ZDHHC2: variants seen among roughly 807,000 people sequenced by gnomAD.
ZDHHC2 encodes the protein zDHHC palmitoyltransferase 2.
Under a neutral mutation model 55.6 loss-of-function variants are expected in ZDHHC2, and 51 were observed. That is an observed-to-expected ratio of 0.92 (90% CI 0.73 to 1.16). The LOEUF is 1.16. Ranked by LOEUF, ZDHHC2 falls within the 50% of genes most tolerant of loss-of-function variation. The pLI, the probability that ZDHHC2 is intolerant of heterozygous loss-of-function variation, is 0.00. For synonymous variants in ZDHHC2, 199 were observed against 152.9 expected (o/e 1.30, Z -2.22); for missense variants, 491 against 442.4 (o/e 1.11, Z -0.99).
intron 12 of ZDHHC2, among the ~76,000 whole-genome samples, chr8:17,219,640 C>CCTG (rs1807821825): frequency 6.6e-6 from 1 of 152,040 alleles, no homozygotes; most frequent in Non-Finnish European, 1.5e-5. Context: ...GTGGCATGTG[C>CCTG]CTGTGGTCCC....
chr8:17,199,586 T>G (rs1264315509), intron 6 of ZDHHC2, among the ~76,000 whole-genome samples: 944 of 60,030 alleles, frequency 0.016, 78 homozygotes, highest in Non-Finnish European at 0.046. Flanking sequence ...CTTCTTCTTC[T>G]TCTTTCTTCT....
chr8:17,218,032 A>G (rs769542607), intron 12 of ZDHHC2, among the ~76,000 whole-genome samples: 6 of 152,212 alleles, frequency 3.9e-5, no homozygotes, highest in African/African-American at 7.2e-5. Flanking sequence ...ATTTGCATCA[A>G]AGTTCATGGA....
chr8:17,158,626 A>G (rs1804183072), intron 1 of ZDHHC2, among the ~76,000 whole-genome samples: 1 of 152,264 alleles, frequency 6.6e-6, no homozygotes, highest in South Asian at 2.1e-4. Flanking sequence ...GTATGTTTAT[A>G]TGTACTTTCT....
intron 1 of ZDHHC2, among the ~76,000 whole-genome samples, chr8:17,174,176 C>T (rs149032633): frequency 4.7e-4 from 71 of 151,768 alleles, no homozygotes; most frequent in Non-Finnish European, 8.7e-4. Flanking sequence ...GCTGCCTCGA[C>T]CACCCAGATT....
chr8:17,217,025 C>CTA (rs1337579958), intron 11 of ZDHHC2, 147 bp from the exon 12 acceptor site: 2 of 673,230 alleles, frequency 3.0e-6, no homozygotes, highest in Non-Finnish European at 5.1e-6. Flanking sequence ...GTGTGTGTTT[C>CTA]TATATCACCA....
At chr8:17,211,606 C>G (rs770144537) in intron 10 of ZDHHC2, among the ~76,000 whole-genome samples, 5 of 152,126 alleles carry the variant, frequency 3.3e-5, no homozygotes, top group Non-Finnish European at 7.3e-5. Flanking sequence ...CCTCCTGCCT[C>G]TGCCCTTTTA....
chr8:17,199,491 T>TTCGTCTTCGTCTTCGTCTTCG lies in ZDHHC2; in HGVS notation c.476+1080_476+1081insGTCTTCGTCTTCGTCTTCGTC, dbSNP rs1255581276. Among the ~76,000 whole-genome samples the TTCGTCTTCGTCTTCGTCTTCG allele has an allele frequency of 1.2e-3, 43 of 37,338 alleles. 1 individual carries two copies. The highest frequency in any genetic ancestry group is 5.4e-3 in the Admixed American group (20 of 3,690). 24.5% of individuals were successfully genotyped at this position (37,338 alleles called of 152,430 possible). A position where few individuals can be genotyped will look rare whatever the true frequency, so the allele number is the denominator to read the frequency against. ...CTTCTTCTTCTTCTTCTTCTTCTTC[T>TTCGTCTTCGTCTTCGTCTTCG]TCTTCTTCTTCTTCTTCTTCTTCGT... On this transcript the variant is annotated intron_variant, in intron 6 of 12. Coordinates refer to ENST00000262096, the MANE Select transcript of ZDHHC2 (RefSeq NM_016353.5).
In ZDHHC2 at chr8:17,220,811, C is replaced by T. The variant is rs994370952; in HGVS notation, c.*590C>T. 6.6e-6 allele frequency: 1 copy of T among 152,128 alleles called. No homozygotes were observed. The highest frequency in any genetic ancestry group is 6.6e-5 in the Admixed American group (1 of 15,252). 9.4% of individuals were successfully genotyped at this position (152,128 alleles called of 1,614,324 possible). On this transcript the variant is annotated 3_prime_UTR_variant, in exon 13 of 13. Transcript: ENST00000262096. Reference sequence around the variant, plus strand: ...GTGGCCTGCAGTTGAAGATCATCAACCATTTTTGCCTCACTTAATTCCAGC... The same window carrying T: ...GTGGCCTGCAGTTGAAGATCATCAATCATTTTTGCCTCACTTAATTCCAGC...
chr8:17,164,622 T>G (rs1406331675), intron 1 of ZDHHC2, among the ~76,000 whole-genome samples: 1 of 152,158 alleles, frequency 6.6e-6, no homozygotes, highest in Non-Finnish European at 1.5e-5. Flanking sequence ...TTTTCTCTAA[T>G]TCTTTTGAAA....
chr8:17,199,509 T>TTCTTCGTCTTCGTCTTCGTCTTCG (rs1554466017), intron 6 of ZDHHC2, among the ~76,000 whole-genome samples: 18 of 121,202 alleles, frequency 1.5e-4, no homozygotes, highest in South Asian at 8.5e-4. Context: ...CTTCTTCTTC[T>TTCTTCGTCTTCGTCTTCGTCTTCG]TCTTCGTCTT....
Position 17,160,026 on chromosome 8 carries a change from A to G in ZDHHC2, c.130+3173A>G, listed in dbSNP as rs551520210. ...TGTACGGGGAACTTTAGGATGCACT[A>G]TGAGAGGGAATGAGGGAGGTCTGCA... On this transcript the variant is annotated intron_variant, in intron 1 of 12. Transcript: ENST00000262096. Among the ~76,000 whole-genome samples the G allele has an allele frequency of 5.3e-5, 8 of 152,292 alleles. No homozygotes were observed. The South Asian group carries it at 6.2e-4, about 12-fold the overall frequency.
chr8:17,185,458 A>G (rs897717423), intron 2 of ZDHHC2, among the ~76,000 whole-genome samples: 3 of 152,010 alleles, frequency 2.0e-5, no homozygotes, highest in African/African-American at 7.2e-5. Context: ...GAAGTTCAAG[A>G]CCAGCCTGGC....
chr8:17,190,951 CTTTTTTTTTTTT>C (rs10601402), intron 3 of ZDHHC2, among the ~76,000 whole-genome samples: 7 of 52,760 alleles, frequency 1.3e-4, no homozygotes, highest in Admixed American at 2.8e-4. Context: ...CTTATTCATT[CTTTTTTTTTTTT>C]TTTTTTTTTT....
At chr8:17,168,858 T>G (rs923745850) in intron 1 of ZDHHC2, among the ~76,000 whole-genome samples, 2 of 152,194 alleles carry the variant, frequency 1.3e-5, no homozygotes, top group South Asian at 4.1e-4. Flanking sequence ...TTGTAGTATG[T>G]GTCAGAATTT....
At chr8:17,169,135 G>A (rs1483178813) in intron 1 of ZDHHC2, among the ~76,000 whole-genome samples, 1 of 152,098 alleles carries the variant, frequency 6.6e-6, no homozygotes, top group Admixed American at 6.6e-5. Flanking sequence ...TTTTGATGCA[G>A]GTGTCACCCA....
At chr8:17,216,814 T>C (rs1293772234) in intron 11 of ZDHHC2, among the ~76,000 whole-genome samples, 2 of 152,118 alleles carry the variant, frequency 1.3e-5, no homozygotes, top group Non-Finnish European at 2.9e-5. Flanking sequence ...GGTGAGAAAG[T>C]GCTCAAAGAT....
intron 3 of ZDHHC2, among the ~76,000 whole-genome samples, chr8:17,194,819 T>G (rs1056061893): frequency 3.3e-5 from 5 of 152,192 alleles, no homozygotes; most frequent in Non-Finnish European, 5.9e-5. Context: ...TTTTTTTGTA[T>G]TTCAAACAAT....
intron 6 of ZDHHC2, among the ~76,000 whole-genome samples, chr8:17,199,430 A>G (rs1038928505): frequency 3.4e-5 from 5 of 146,128 alleles, no homozygotes; most frequent in African/African-American, 1.3e-4. Flanking sequence ...TTTTTTTACA[A>G]CAAGTGTTCC....
chr8:17,162,240 GCA>G (rs1372572170), intron 1 of ZDHHC2, among the ~76,000 whole-genome samples: 1 of 152,204 alleles, frequency 6.6e-6, no homozygotes. Context: ...AAGGCAATTA[GCA>G]CAGTCTTAGC....
Sources: allele counts gnomAD v4.1 joint callset (sites outside exome capture counted in the v4.1 genomes callset), GRCh38; gene constraint gnomAD v4.1.1; transcripts MANE v1.5; gene names NCBI Gene and HGNC (gene_info 2026-07-23, HGNC 2026-07-21).